The following PPP2R3B variants were observed in gnomAD, a reference collection of about 807,000 sequenced individuals.
PPP2R3B encodes serine/threonine-protein phosphatase 2A regulatory subunit B'' subunit beta.
A neutral mutation model predicts 72.9 loss-of-function variants in PPP2R3B; 68 were observed. The ratio of observed to expected loss-of-function variants is 0.93; its 90% confidence interval spans 0.77 to 1.14. The LOEUF is 1.14. PPP2R3B is among the 50% of genes most tolerant of loss of function. The probability of loss-of-function intolerance (pLI) is 0.00; values close to 1 mark genes in which losing one functional copy is unlikely to be tolerated. For missense variants in PPP2R3B, 1,018 were observed against 842.0 expected (o/e 1.21, Z -2.59); for synonymous variants, 466 against 375.8 (o/e 1.24, Z -2.78).
intron 1 of PPP2R3B, among the ~76,000 whole-genome samples, chrX:386,068 C>A (rs1047586812): frequency 2.6e-5 from 4 of 152,080 alleles, no homozygotes; most frequent in Non-Finnish European, 4.4e-5. Context: ...GGCAACAGAG[C>A]AAAACTCTGT....
chrX:374,601 G>A (rs2071949422), intron 1 of PPP2R3B, among the ~76,000 whole-genome samples: 1 of 152,196 alleles, frequency 6.6e-6, no homozygotes, highest in Admixed American at 6.5e-5. Context: ...CCACCGGGAA[G>A]GAGACAGGAT....
chrX:359,474 G>T (rs1264860572), intron 2 of PPP2R3B, among the ~76,000 whole-genome samples: 1 of 152,154 alleles, frequency 6.6e-6, no homozygotes, highest in Non-Finnish European at 1.5e-5. Context: ...TTAAGTTACA[G>T]CATACTAGGT....
chrX:383,499 C>T (rs1331566743), intron 1 of PPP2R3B, among the ~76,000 whole-genome samples: 1 of 152,094 alleles, frequency 6.6e-6, no homozygotes, highest in African/African-American at 2.4e-5. Context: ...AATGTTTTAT[C>T]GCTTTAAACT....
chrX:363,721 A>ATCCCACAGTGCATCTCCC (rs2071615080), intron 1 of PPP2R3B, among the ~76,000 whole-genome samples: 12 of 151,512 alleles, frequency 7.9e-5, no homozygotes, highest in South Asian at 4.2e-4. Flanking sequence ...CGAGCCCACA[A>ATCCCACAGTGCATCTCCC]CGCATTCCCG....
At chrX:341,107 ACGCGTCCCCCTGTGCCGTGC>A (rs2071059208) in intron 9 of PPP2R3B, 167 bp from the exon 10 acceptor site, 2 of 566,910 alleles carry the variant, frequency 3.5e-6, no homozygotes, top group African/African-American at 2.9e-5. Flanking sequence ...CCGGGCGCGC[ACGCGTCCCCCTGTGCCGTGC>A]AGCCCCCACC....
intron 10 of PPP2R3B, among the ~76,000 whole-genome samples, chrX:339,097 C>G (rs1464149221): frequency 1.3e-5 from 2 of 151,682 alleles, no homozygotes; most frequent in Non-Finnish European, 2.9e-5. Context: ...GGCCGTGATG[C>G]GGAGGCGACT....
chrX:338,642 C>A lies in PPP2R3B; in HGVS notation c.1539G>T (p.Leu513=), dbSNP rs766029939. Residue 513 remains leucine (L), a synonymous_variant, in exon 12 of 13, where the codon CTG becomes CTT. Transcript: ENST00000390665. ...EKYAAEEYDI[L]VAEETAGEPW... is the part of the protein sequence containing the mutation. ...GCTCTCCCGCAGTCTCCTCGGCCACCAGGATGTCGTACTCCTCGGCCGCGT... is the reference window on the plus strand; with the variant it reads ...GCTCTCCCGCAGTCTCCTCGGCCACAAGGATGTCGTACTCCTCGGCCGCGT... 5 of 1,611,098 alleles carry A rather than the reference C, an allele frequency of 3.1e-6. No homozygotes were observed. Among genetic ancestry groups the A allele is most frequent in the Non-Finnish European group, 4.2e-6 (5 of 1,179,622 alleles).
intron 1 of PPP2R3B, among the ~76,000 whole-genome samples, chrX:364,797 C>T (rs1308759350): frequency 1.0e-4 from 7 of 70,022 alleles, no homozygotes; most frequent in South Asian, 1.3e-3. Flanking sequence ...GCAGGAGAAT[C>T]GCTTCAACAC....
chrX:337,833 GGGACAGTC>G (rs1294648412), intron 12 of PPP2R3B: 1 of 152,710 alleles, frequency 6.5e-6, no homozygotes, highest in African/African-American at 2.4e-5. Flanking sequence ...AGCTGATGCT[GGGACAGTC>G]GGACACCCGG....
chrX:375,215 C>G (rs909389030), intron 1 of PPP2R3B, among the ~76,000 whole-genome samples: 1 of 152,186 alleles, frequency 6.6e-6, no homozygotes, highest in African/African-American at 2.4e-5. Context: ...CTCTGACCCC[C>G]GGTAAGTCTC....
chrX:364,560 TA>T (rs1362342826), intron 1 of PPP2R3B, among the ~76,000 whole-genome samples: 7 of 105,884 alleles, frequency 6.6e-5, no homozygotes, highest in South Asian at 3.2e-4. Context: ...AAAAAGAGTA[TA>T]AAAAAAATTA....
chrX:383,109 G>A (rs996775049), intron 1 of PPP2R3B, among the ~76,000 whole-genome samples: 3 of 152,172 alleles, frequency 2.0e-5, no homozygotes, highest in African/African-American at 7.2e-5. Flanking sequence ...GAGGGCCTGA[G>A]CCAGACGGTC....
chrX:364,399 C>T (rs1246203975), intron 1 of PPP2R3B, among the ~76,000 whole-genome samples: 1 of 151,364 alleles, frequency 6.6e-6, no homozygotes, highest in Admixed American at 6.6e-5. Context: ...ACCGGCCGGG[C>T]TCGTGCCTGC....
At chrX:342,252 C>G (rs1369527536) in intron 7 of PPP2R3B, 1 of 521,640 alleles carries the variant, frequency 1.9e-6, no homozygotes, top group African/African-American at 1.9e-5. Flanking sequence ...AGTGTGATCA[C>G]GGAAACAAAC....
intron 1 of PPP2R3B, among the ~76,000 whole-genome samples, chrX:363,333 C>T (rs2071586863): frequency 2.0e-5 from 3 of 148,642 alleles, no homozygotes; most frequent in Admixed American, 6.7e-5. Context: ...AGTGCATCTC[C>T]CCGAGCCCAC....
chrX:341,707 C>T (rs1356389114), intron 8 of PPP2R3B, 176 bp downstream of exon 8: 5 of 744,288 alleles, frequency 6.7e-6, no homozygotes. Flanking sequence ...CAGTCTTGTG[C>T]CACCCCCCCC....
intron 1 of PPP2R3B, among the ~76,000 whole-genome samples, chrX:371,466 C>T (rs2071862223): frequency 6.6e-6 from 1 of 152,158 alleles, no homozygotes; most frequent in South Asian, 2.1e-4. Context: ...TTGGGTTCAC[C>T]ATCGGGGCAG....
Position 338,782 on chromosome X carries a change from A to G in PPP2R3B, c.1466T>C (p.Leu489Pro), listed in dbSNP as rs1304693443. ...DHEQKEQISL[L>P]RDGDSGGPEL... is the part of the protein sequence containing the mutation. ...CCGCGTGCCCGCCGCACTCACCCTG[A>G]GCAGGGAGATCTGCTCTTTCTGCTC... The change falls in exon 11 of 13, where the codon CTC becomes CCC. Residue 489 changes from leucine (L) to proline (P), a missense_variant. Leu to Pro is a moderately conservative substitution (Grantham distance 98). Transcript: ENST00000390665. The G allele has an allele frequency of 5.0e-6, 8 of 1,612,328 alleles. No homozygotes were observed. In the Admixed American group the frequency reaches 5.0e-5, roughly 10 times the overall value.
intron 2 of PPP2R3B, among the ~76,000 whole-genome samples, chrX:358,826 G>GT (rs1440786631): frequency 2.0e-5 from 3 of 151,436 alleles, no homozygotes; most frequent in East Asian, 1.9e-4. Flanking sequence ...GCACCACGGT[G>GT]GGGGGAGGCG....
Sources: allele counts gnomAD v4.1 joint callset (sites outside exome capture counted in the v4.1 genomes callset), GRCh38; gene constraint gnomAD v4.1.1; transcripts MANE v1.5; gene names NCBI Gene and HGNC (gene_info 2026-07-23, HGNC 2026-07-21).